The following C11orf16 variants were observed in gnomAD, a reference collection of about 807,000 sequenced individuals.
The protein encoded by C11orf16 is uncharacterized protein C11orf16.
A neutral mutation model predicts 45.1 loss-of-function variants in C11orf16; 38 were observed. The observed-to-expected ratio is 0.84, with a 90% CI of 0.65 to 1.10. C11orf16 has a LOEUF of 1.10. Among genes scored for constraint, C11orf16 ranks in the 50% least tolerant of loss-of-function variants. The pLI, the probability that C11orf16 is intolerant of heterozygous loss-of-function variation, is 0.00. For synonymous variants in C11orf16, 221 were observed against 222.0 expected (o/e 1.00, Z 0.04); for missense variants, 583 against 569.5 (o/e 1.02, Z -0.24).
Position 8,926,937 on chromosome 11 carries a change from T to C in C11orf16, c.559+3A>G, listed in dbSNP as rs1399492492. ...ACTGATGGGTCAGAGCAGCTTCTCT[T>C]ACCTCTCTGGGGATCTCTCATCTCC... On this transcript the variant is annotated splice_donor_region_variant and intron_variant, in intron 4 of 6. Coordinates refer to ENST00000326053, the MANE Select transcript of C11orf16 (RefSeq NM_020643.3). 1 of 1,611,572 alleles carries C rather than the reference T, an allele frequency of 6.2e-7. No individual in the cohort carries two copies. Among genetic ancestry groups the C allele is most frequent in the Non-Finnish European group, 8.5e-7 (1 of 1,178,602 alleles).
intron 1 of C11orf16, 134 bp downstream of exon 1, chr11:8,932,767 C>T (rs1190139221): frequency 3.2e-5 from 5 of 154,256 alleles, no homozygotes; most frequent in African/African-American, 9.6e-5. Context: ...GGCCGTCCAT[C>T]CCCTTTCCAG....
chr11:8,922,004 G>T (rs772593679), intron 5 of C11orf16, among the ~76,000 whole-genome samples: 1 of 152,156 alleles, frequency 6.6e-6, no homozygotes, highest in Non-Finnish European at 1.5e-5. Context: ...GAAAAAAATT[G>T]TTATCATTTC....
At chr11:8,926,185 CTTTTT>C in intron 4 of C11orf16, 78 bp from the exon 5 acceptor site, 736 of 886,424 alleles carry the variant, frequency 8.3e-4, no homozygotes, top group East Asian at 9.7e-4. Flanking sequence ...TTTTTCTTTT[CTTTTT>C]TTTTTTTTTT....
intron 5 of C11orf16, among the ~76,000 whole-genome samples, chr11:8,923,656 G>T (rs1477708769): frequency 6.6e-6 from 1 of 151,988 alleles, no homozygotes; most frequent in Non-Finnish European, 1.5e-5. Flanking sequence ...GAGTCTCGCT[G>T]TGTCGCCCAG....
chr11:8,927,760 G>A, intron 3 of C11orf16: 1 of 416,444 alleles, frequency 2.4e-6, no homozygotes, highest in Non-Finnish European at 4.9e-6. Flanking sequence ...CTACTTAAAA[G>A]TACAAGCTGT....
chr11:8,930,588 A>G (rs2064643750), intron 2 of C11orf16, among the ~76,000 whole-genome samples: 1 of 152,104 alleles, frequency 6.6e-6, no homozygotes, highest in African/African-American at 2.4e-5. Flanking sequence ...GTGTTTGGGC[A>G]GGGACAACCC....
In C11orf16 at chr11:8,921,504, A is replaced by G. The variant is rs1304493096; in HGVS notation, c.1216T>C (p.Ser406Pro). 5 of 1,614,072 alleles carry G rather than the reference A, an allele frequency of 3.1e-6. No homozygotes were observed. The highest frequency in any genetic ancestry group is 1.7e-5 in the Admixed American group (1 of 60,008). Residue 406 changes from serine (S) to proline (P), a missense_variant, in exon 6 of 7, where the codon TCC becomes CCC. Coordinates refer to ENST00000326053, the MANE Select transcript of C11orf16 (RefSeq NM_020643.3). ...PCLGKPGTRY[S>P]NICKEEKDHK... Reference sequence around the variant, plus strand: ...TCCTTTTCTTCTTTGCAGATGTTGGAATATCTTGTTCCTAAACCCAAAAGT... The same window carrying G: ...TCCTTTTCTTCTTTGCAGATGTTGGGATATCTTGTTCCTAAACCCAAAAGT...
Position 8,929,500 on chromosome 11 carries a change from G to A in C11orf16, c.201C>T (p.Ala67=), listed in dbSNP as rs142369137. The A allele has an allele frequency of 1.3e-5, 21 of 1,613,856 alleles. No individual in the cohort carries two copies. Among genetic ancestry groups the A allele is most frequent in the East Asian group, 1.1e-4 (5 of 44,874 alleles). ...HASSCPCLHV[A]DPAWQGPGWL... ...AGCCAGGCCCCTGCCATGCTGGGTC[G>A]GCAACGTGGAGACATGGGCAAGAAG... is the stretch of plus-strand genomic sequence containing the variant. Residue 67 remains alanine (A), a synonymous_variant, in exon 3 of 7, where the codon GCC becomes GCT. Transcript: ENST00000326053.
Position 8,925,990 on chromosome 11 carries a change from T to G in C11orf16, c.677A>C (p.His226Pro), listed in dbSNP as rs1191790219. The G allele has an allele frequency of 6.2e-7, 1 of 1,614,090 alleles. No homozygotes were observed. Among genetic ancestry groups the G allele is most frequent in the Non-Finnish European group, 8.5e-7 (1 of 1,180,018 alleles). ...GGGGTGCTCCCTGGTGAAAGACTTG[T>G]GCAGCCTCTCCACAGCCTTCTTCCA... ...TIWKKAVERL[H>P]KSFTREHPRP... Residue 226 changes from histidine (H) to proline (P), a missense_variant, in exon 5 of 7, where the codon CAC (histidine) becomes CCC (proline). Physicochemically the swap from His to Pro is moderately conservative, Grantham distance 77. Coordinates refer to ENST00000326053, the MANE Select transcript of C11orf16 (RefSeq NM_020643.3).
intron 6 of C11orf16, 104 bp downstream of exon 6, chr11:8,921,190 A>G: frequency 1.2e-6 from 1 of 847,068 alleles, no homozygotes; most frequent in Non-Finnish European, 1.9e-6. Context: ...TTTCTAGGAC[A>G]AGGGGTCATA....
chr11:8,923,792 C>T lies in C11orf16; in HGVS notation c.1204+1671G>A, dbSNP rs371568422. ...CTAATTTTTGTATTTTTAGTAGAGA[C>T]GGGGTTTCACTTTGTTGGTCAGGCT... is the stretch of plus-strand genomic sequence containing the variant. On this transcript the variant is annotated intron_variant, in intron 5 of 6. Coordinates refer to ENST00000326053, the MANE Select transcript of C11orf16 (RefSeq NM_020643.3). Among the ~76,000 whole-genome samples, 469 of 151,812 alleles carry T rather than the reference C, an allele frequency of 3.1e-3. 1 individual carries two copies. Among genetic ancestry groups the T allele is most frequent in the African/African-American group, 0.01 (421 of 41,360 alleles).
chr11:8,930,530 G>A (rs544389639), intron 2 of C11orf16, among the ~76,000 whole-genome samples: 2 of 152,026 alleles, frequency 1.3e-5, no homozygotes, highest in South Asian at 4.2e-4. Context: ...TGCCGAGGGT[G>A]TGAAATTGTA....
Position 8,925,603 on chromosome 11 carries a change from G to A in C11orf16, c.1064C>T (p.Pro355Leu), listed in dbSNP as rs762303791. 38 of 1,614,142 alleles carry A rather than the reference G, an allele frequency of 2.4e-5. No homozygotes were observed. Among genetic ancestry groups the A allele is most frequent in the Admixed American group, 5.0e-5 (3 of 60,014 alleles). Residue 355 changes from proline to leucine, a missense_variant, in exon 5 of 7, where the codon CCT becomes CTT. Physicochemically the swap from Pro to Leu is moderately conservative, Grantham distance 98 (BLOSUM62 -3). Coordinates refer to ENST00000326053, the MANE Select transcript of C11orf16 (RefSeq NM_020643.3). The stretch of plus-strand genomic sequence containing the variant: ...ACTGTTCACCATCAGTCTCTGGGGA[G>A]GGCCCATCTCCAGATCATTCTCCAC... Reference protein sequence around the residue: ...DGVENDLEMGPPQRLMVNSAV... With the variant: ...DGVENDLEMGLPQRLMVNSAV...
At position 8,921,287 on chromosome 11, in the gene C11orf16, G is replaced by T; in HGVS notation, c.*22+7C>A. On this transcript the variant is annotated splice_region_variant and intron_variant, in intron 6 of 6. Transcript: ENST00000326053. Reference sequence around the variant, plus strand: ...TAGGAAGCCCCTTTCCAGCCATTCTGCTTTACCTAGATCCTCAGGGCTCTT... The same window carrying T: ...TAGGAAGCCCCTTTCCAGCCATTCTTCTTTACCTAGATCCTCAGGGCTCTT... The T allele has an allele frequency of 1.2e-6, 2 of 1,611,846 alleles. No homozygotes were observed. Among genetic ancestry groups the T allele is most frequent in the Non-Finnish European group, 1.7e-6 (2 of 1,178,040 alleles).
At chr11:8,932,382 CG>C in intron 1 of C11orf16, 56 bp from the exon 2 acceptor site, 1 of 1,430,616 alleles carries the variant, frequency 7.0e-7, no homozygotes, top group South Asian at 1.4e-5. Flanking sequence ...CAGTGGCCAC[CG>C]GGGCGAGGCA....
At chr11:8,928,660 C>G (rs993368656) in intron 3 of C11orf16, among the ~76,000 whole-genome samples, 19 of 152,112 alleles carry the variant, frequency 1.2e-4, no homozygotes, top group Middle Eastern at 6.3e-3. Flanking sequence ...GCCACCATGC[C>G]TGGCTCATTT....
rs2064637238 is a variant in C11orf16, at chr11:8,929,529, C to T, written c.172G>A (p.Ala58Thr). ...LTGHKPLARH[A>T]SSCPCLHVAD... ...ACGTGGAGACATGGGCAAGAAGAGG[C>T]ATGCCTGGAAAAAAGCAAATGGAAT... Residue 58 changes from alanine (A) to threonine (T), a missense_variant, in exon 3 of 7, where the codon GCC becomes ACC. Physicochemically the swap from Ala to Thr is moderately conservative, Grantham distance 58 (BLOSUM62 0). Transcript: ENST00000326053. 1 of 1,609,982 alleles carries T rather than the reference C, an allele frequency of 6.2e-7. No individual in the cohort carries two copies.
intron 2 of C11orf16, 124 bp from the exon 3 acceptor site, chr11:8,929,657 T>G: frequency 1.1e-6 from 1 of 948,690 alleles, no homozygotes; most frequent in Admixed American, 3.0e-5. Flanking sequence ...CAGAAATCCA[T>G]ATGGAAAGTG....
At position 8,925,704 on chromosome 11, in the gene C11orf16, A is replaced by G. The variant is rs750248692; in HGVS notation, c.963T>C (p.Pro321=). Residue 321 remains proline (P), a synonymous_variant, in exon 5 of 7, where the codon CCT becomes CCC. Coordinates refer to ENST00000326053, the MANE Select transcript of C11orf16 (RefSeq NM_020643.3). ...PTAQLLPLEG[P]KEEKVAMHAP... ...CGTGCATTGCTACTTTCTCCTCTTT[A>G]GGACCTTCCAGGGGCAAAAGCTGTG... 1.9e-6 allele frequency: 3 copies of G among 1,614,246 alleles called. No homozygotes were observed. The highest frequency in any genetic ancestry group is 2.5e-6 in the Non-Finnish European group (3 of 1,180,052).
Sources: gnomAD v4.1 joint callset for allele counts (sites outside exome capture counted in the v4.1 genomes callset) on GRCh38, gnomAD v4.1.1 for gene constraint, MANE v1.5 for transcripts, NCBI Gene and HGNC (gene_info 2026-07-23, HGNC 2026-07-21) for gene names.